IMMP2L: variants seen among roughly 807,000 people sequenced by gnomAD.
IMMP2L encodes the protein mitochondrial inner membrane protease subunit 2.
In IMMP2L, 18 loss-of-function variants were observed where a neutral mutation model predicts 19.3. The ratio of observed to expected loss-of-function variants is 0.93; its 90% CI spans 0.64 to 1.38. The LOEUF is 1.38. Among genes scored for constraint, IMMP2L ranks in the 40% most tolerant of loss-of-function variants. The pLI is 0.00. For missense variants in IMMP2L, 233 were observed against 218.2 expected (o/e 1.07, Z -0.43); for synonymous variants, 76 against 73.0 (o/e 1.04, Z -0.21).
chr7:111,255,503 G>C (rs930837452), intron 3 of IMMP2L, among the ~76,000 whole-genome samples: 1 of 151,900 alleles, frequency 6.6e-6, no homozygotes. Context: ...GGAAGTTTTT[G>C]TTAATTATAC....
At chr7:111,093,054 T>C (rs141642646) in intron 3 of IMMP2L, among the ~76,000 whole-genome samples, 2 of 152,316 alleles carry the variant, frequency 1.3e-5, no homozygotes, top group African/African-American at 4.8e-5. Context: ...GTCAAAAAAA[T>C]GAGTCAGTTT....
intron 3 of IMMP2L, among the ~76,000 whole-genome samples, chr7:111,251,182 T>A (rs1816072727): frequency 6.6e-6 from 1 of 152,038 alleles, no homozygotes; most frequent in Non-Finnish European, 1.5e-5. Flanking sequence ...GAAATAAAAA[T>A]CAAAATCACA....
chr7:111,429,757 A>T, intron 3 of IMMP2L, among the ~76,000 whole-genome samples: 1 of 151,918 alleles, frequency 6.6e-6, no homozygotes, highest in East Asian at 1.9e-4. Flanking sequence ...AAGAAATGGT[A>T]TCTTCCTAGA....
At chr7:111,547,116 G>A (rs557585938) in intron 1 of IMMP2L, among the ~76,000 whole-genome samples, 2 of 152,282 alleles carry the variant, frequency 1.3e-5, no homozygotes, top group Admixed American at 6.5e-5. Context: ...GGTCAGAGAA[G>A]AATTTTACAA....
intron 3 of IMMP2L, among the ~76,000 whole-genome samples, chr7:111,062,038 T>C (rs993228006): frequency 3.3e-5 from 5 of 152,228 alleles, no homozygotes; most frequent in African/African-American, 1.2e-4. Context: ...CCTTCCACAC[T>C]TGCTTAGCAC....
intron 1 of IMMP2L, among the ~76,000 whole-genome samples, chr7:111,545,646 A>C (rs537970238): frequency 6.6e-6 from 1 of 152,272 alleles, no homozygotes; most frequent in South Asian, 2.1e-4. Flanking sequence ...CTAGCCTCTC[A>C]AATTATATAC....
intron 5 of IMMP2L, among the ~76,000 whole-genome samples, chr7:110,844,430 T>C (rs184636231): frequency 6.6e-6 from 1 of 152,014 alleles, no homozygotes; most frequent in Admixed American, 6.6e-5. Context: ...AATGGAGTCA[T>C]AGAAGAGTTC....
intron 3 of IMMP2L, among the ~76,000 whole-genome samples, chr7:111,198,584 A>T (rs950264071): frequency 6.6e-6 from 1 of 152,158 alleles, no homozygotes; most frequent in African/African-American, 2.4e-5. Flanking sequence ...ATCCATAACT[A>T]TTCCCTAAAC....
In IMMP2L at chr7:111,451,323, G is replaced by C. The variant is rs58709459; in HGVS notation, c.239+35915C>G. On this transcript the variant is annotated intron_variant, in intron 3 of 5. Transcript: ENST00000405709. ...ACTTGGAACCAACCCAAATGTCCAA[G>C]AATGATAGACTAGATTAAGAAAATG... Among the ~76,000 whole-genome samples the C allele has an allele frequency of 4.0e-3, 609 of 150,760 alleles. 6 individuals carry two copies. Among genetic ancestry groups the C allele is most frequent in the African/African-American group, 0.013 (515 of 40,726 alleles).
intron 3 of IMMP2L, among the ~76,000 whole-genome samples, chr7:110,995,784 G>C (rs1464823488): frequency 1.3e-5 from 2 of 152,104 alleles, no homozygotes; most frequent in South Asian, 4.1e-4. Context: ...GCTAGTCTCT[G>C]TATCCTTGGC....
intron 1 of IMMP2L, among the ~76,000 whole-genome samples, chr7:111,546,923 G>T (rs1848980551): frequency 6.6e-6 from 1 of 152,138 alleles, no homozygotes; most frequent in Admixed American, 6.6e-5. Context: ...CAGGTAACGA[G>T]AACTTATTGT....
intron 3 of IMMP2L, among the ~76,000 whole-genome samples, chr7:111,273,240 G>A (rs1350366078): frequency 1.3e-5 from 2 of 152,032 alleles, no homozygotes; most frequent in Non-Finnish European, 2.9e-5. Flanking sequence ...TCATGCCAAT[G>A]CATTCCAGCC....
intron 3 of IMMP2L, among the ~76,000 whole-genome samples, chr7:111,323,050 G>T (rs1468424112): frequency 6.6e-6 from 1 of 151,102 alleles, no homozygotes; most frequent in African/African-American, 2.4e-5. Context: ...ATGAAAAAAA[G>T]AAAGCAAATA....
At chr7:110,966,203 T>G (rs185884689) in intron 3 of IMMP2L, among the ~76,000 whole-genome samples, 2 of 152,014 alleles carry the variant, frequency 1.3e-5, no homozygotes, top group African/African-American at 4.8e-5. Context: ...ACATCTGTAA[T>G]AGCAGAGAGA....
intron 3 of IMMP2L, among the ~76,000 whole-genome samples, chr7:111,205,979 G>T (rs1255074312): frequency 6.6e-6 from 1 of 152,202 alleles, no homozygotes; most frequent in Admixed American, 6.5e-5. Flanking sequence ...TTTAAGTAGA[G>T]GACCGCCTGC....
chr7:111,523,968 T>C (rs192359207), intron 1 of IMMP2L, among the ~76,000 whole-genome samples: 11 of 152,244 alleles, frequency 7.2e-5, no homozygotes, highest in Admixed American at 5.2e-4. Context: ...TAACTCATTT[T>C]ATATATCTCT....
chr7:110,986,821 TAA>T (rs79747185), intron 3 of IMMP2L, among the ~76,000 whole-genome samples: 26 of 132,760 alleles, frequency 2.0e-4, no homozygotes, highest in Admixed American at 2.3e-4. Flanking sequence ...TCTTAGTTAG[TAA>T]AAAAAAAAAA....
chr7:111,520,640 T>C (rs1034948866), intron 2 of IMMP2L, among the ~76,000 whole-genome samples: 7 of 152,124 alleles, frequency 4.6e-5, no homozygotes, highest in African/African-American at 1.7e-4. Flanking sequence ...ACTTAATACA[T>C]ATTGATAATA....
chr7:110,837,933 T>C (rs1804668352), intron 5 of IMMP2L, among the ~76,000 whole-genome samples: 1 of 152,132 alleles, frequency 6.6e-6, no homozygotes, highest in Non-Finnish European at 1.5e-5. Context: ...GATGGCTCTA[T>C]TGAGAAACCA....
Sources: allele counts gnomAD v4.1 joint callset (sites outside exome capture counted in the v4.1 genomes callset), GRCh38; gene constraint gnomAD v4.1.1; transcripts MANE v1.5; gene names NCBI Gene and HGNC (gene_info 2026-07-23, HGNC 2026-07-21).